ANKRD30B: variants seen among roughly 807,000 people sequenced by gnomAD.
The protein encoded by ANKRD30B is ankyrin repeat domain 30B.
Under a neutral mutation model 202.2 loss-of-function variants are expected in ANKRD30B, and 144 were observed. The observed-to-expected ratio is 0.71, with a 90% CI of 0.62 to 0.82. The LOEUF (loss-of-function observed/expected upper bound fraction) is 0.82, where lower values mean the gene tolerates loss of function less well. Ranked by LOEUF, ANKRD30B falls within the 40% of genes least tolerant of loss-of-function variation. The pLI is 0.00. For synonymous variants in ANKRD30B, 508 were observed against 561.3 expected (o/e 0.91, Z 1.34); for missense variants, 1,487 against 1,669.1 (o/e 0.89, Z 1.90).
Position 14,809,990 on chromosome 18 carries a change from T to G in ANKRD30B, c.2391T>G (p.Ser797=). The G allele has an allele frequency of 1.4e-6, 2 of 1,423,996 alleles. No individual in the cohort carries two copies. The highest frequency in any genetic ancestry group is 2.0e-6 in the Non-Finnish European group (2 of 1,018,092). 88.2% of individuals were successfully genotyped at this position (1,423,996 alleles called of 1,614,324 possible). ...LKDRETLKAE[S]PDKDGLLKPT... ...TATATGTCCCTTTTCTTTTAGAGTC[T>G]CCTGATAAAGATGGTCTTCTGAAGG... The change falls in exon 27 of 44, where the codon TCT becomes TCG. Residue 797 remains serine, a synonymous_variant. Coordinates refer to ENST00000690538, the MANE Select transcript of ANKRD30B (RefSeq NM_001367607.2).
intron 34 of ANKRD30B, 35 bp downstream of exon 34, chr18:14,831,490 T>A (rs1285958591): frequency 5.8e-6 from 7 of 1,205,634 alleles, no homozygotes; most frequent in Admixed American, 2.5e-5. Flanking sequence ...ATTTTCTCAG[T>A]TGGAATCTAA....
intron 15 of ANKRD30B, among the ~76,000 whole-genome samples, chr18:14,788,708 T>C (rs1311184657): frequency 6.6e-6 from 1 of 152,090 alleles, no homozygotes; most frequent in African/African-American, 2.4e-5. Context: ...TCCATGTCCC[T>C]ACAAAGGACA....
chr18:14,866,371 G>A, the ANKRD30B span, among the ~76,000 whole-genome samples: 21 of 152,306 alleles, frequency 1.4e-4, no homozygotes, highest in African/African-American at 4.1e-4. Flanking sequence ...TGAGTGGTAG[G>A]AGGGGGGCTG....
chr18:14,809,426 G>A (rs1469342725), intron 26 of ANKRD30B, among the ~76,000 whole-genome samples: 1 of 150,874 alleles, frequency 6.6e-6, no homozygotes, highest in Non-Finnish European at 1.5e-5. Context: ...TAGACAACTG[G>A]TTAGACCAGA....
chr18:14,853,697 G>A (rs1713878), intron 42 of ANKRD30B, among the ~76,000 whole-genome samples, 112 bp from the exon 43 acceptor site: 82,137 of 151,924 alleles, frequency 0.54, 22,431 homozygotes, highest in African/African-American at 0.6. Context: ...ACAAGCAGCA[G>A]TGTGCACAAA....
intron 11 of ANKRD30B, 48 bp from the exon 12 acceptor site, chr18:14,782,476 GCTT>G (rs1481513043): frequency 4.6e-6 from 6 of 1,302,742 alleles, no homozygotes; most frequent in African/African-American, 1.5e-5. Context: ...GAATTTTGAT[GCTT>G]CTTATGATTT....
chr18:14,795,492 T>C (rs889834238), intron 16 of ANKRD30B, among the ~76,000 whole-genome samples: 2 of 152,210 alleles, frequency 1.3e-5, no homozygotes, highest in Non-Finnish European at 2.9e-5. Flanking sequence ...CCATGCCACC[T>C]GGACTGTATT....
the ANKRD30B span, among the ~76,000 whole-genome samples, chr18:14,889,604 C>T: frequency 6.6e-6 from 1 of 150,896 alleles, no homozygotes; most frequent in Admixed American, 6.6e-5. Flanking sequence ...CTAAACATTT[C>T]AAGATTTTTT....
intron 7 of ANKRD30B, among the ~76,000 whole-genome samples, chr18:14,767,766 G>T (rs1349829544): frequency 6.6e-6 from 1 of 152,136 alleles, no homozygotes; most frequent in Non-Finnish European, 1.5e-5. Flanking sequence ...GATGGAAAAT[G>T]ATGTCTTTAT....
chr18:14,865,360 C>T, the ANKRD30B span, among the ~76,000 whole-genome samples: 3 of 151,532 alleles, frequency 2.0e-5, no homozygotes, highest in South Asian at 6.3e-4. Context: ...TCTGCACCCT[C>T]TTTTCTCCTT....
intron 4 of ANKRD30B, among the ~76,000 whole-genome samples, chr18:14,756,583 C>T (rs1420450621): frequency 6.6e-6 from 1 of 151,978 alleles, no homozygotes; most frequent in African/African-American, 2.4e-5. Flanking sequence ...ATTTTTACAC[C>T]TTATACACTT....
chr18:14,828,262 CTCTTT>C lies in ANKRD30B; in HGVS notation c.2744-10_2744-6del. 21 of 1,520,754 alleles carry C rather than the reference CTCTTT, an allele frequency of 1.4e-5. No individual in the cohort carries two copies. The highest frequency in any genetic ancestry group is 1.9e-5 in the Non-Finnish European group (21 of 1,131,696). The allele number at this position is 1,520,754 out of a possible 1,614,324, so 94.2% of individuals were successfully genotyped here. ...ATATTTGTTGATTTAATGTATTTTA[CTCTTT>C]TCTTTAATAGAGGATGTGAGTTCTG... is the stretch of plus-strand genomic sequence containing the variant. On this transcript the variant is annotated splice_polypyrimidine_tract_variant and intron_variant, in intron 32 of 43. Transcript: ENST00000690538.
the ANKRD30B span, among the ~76,000 whole-genome samples, chr18:14,869,487 TTAAGA>T: frequency 6.6e-6 from 1 of 152,136 alleles, no homozygotes; most frequent in Non-Finnish European, 1.5e-5. Flanking sequence ...CCATTAAAAG[TTAAGA>T]TGTCATAATT....
chr18:14,800,334 G>A (rs1221016261), intron 22 of ANKRD30B, among the ~76,000 whole-genome samples: 3 of 149,564 alleles, frequency 2.0e-5, no homozygotes, highest in East Asian at 2.0e-4. Flanking sequence ...TTGATATGGC[G>A]TCTCGCTGTC....
At chr18:14,761,912 C>A (rs982008339) in intron 6 of ANKRD30B, among the ~76,000 whole-genome samples, 4 of 152,194 alleles carry the variant, frequency 2.6e-5, no homozygotes, top group Non-Finnish European at 5.9e-5. Context: ...ATATGAAAAT[C>A]TGTTTCTTTT....
chr18:14,928,842 G>A, the ANKRD30B span, among the ~76,000 whole-genome samples: 24 of 152,088 alleles, frequency 1.6e-4, no homozygotes, highest in African/African-American at 5.3e-4. Context: ...AAAATCTGCC[G>A]AGTGGGGCCA....
the ANKRD30B span, among the ~76,000 whole-genome samples, chr18:14,894,068 C>T: frequency 6.6e-6 from 1 of 152,124 alleles, no homozygotes; most frequent in Non-Finnish European, 1.5e-5. Flanking sequence ...TCAACAATAG[C>T]ATAAATTTAT....
intron 9 of ANKRD30B, among the ~76,000 whole-genome samples, chr18:14,775,363 G>A (rs371782407): frequency 1.8e-4 from 27 of 152,278 alleles, no homozygotes; most frequent in African/African-American, 6.5e-4. Context: ...TGATTTATGG[G>A]CAATTATATG....
chr18:14,789,285 T>TAC (rs1393607328), intron 15 of ANKRD30B, among the ~76,000 whole-genome samples: 1 of 152,268 alleles, frequency 6.6e-6, no homozygotes, highest in African/African-American at 2.4e-5. Flanking sequence ...AGATTCTGGA[T>TAC]ATTAGCCCTT....
Sources: gnomAD v4.1 joint callset for allele counts (sites outside exome capture counted in the v4.1 genomes callset) on GRCh38, gnomAD v4.1.1 for gene constraint, MANE v1.5 for transcripts, NCBI Gene and HGNC (gene_info 2026-07-23, HGNC 2026-07-21) for gene names.